Variants in WASHC5 observed in about 807,000 individuals in gnomAD.
WASHC5 encodes WASH complex subunit strumpellin.
A neutral mutation model predicts 150.4 loss-of-function variants in WASHC5; 101 were observed. The ratio of observed to expected loss-of-function variants is 0.67; its 90% CI spans 0.57 to 0.79. The LOEUF (loss-of-function observed/expected upper bound fraction) is 0.79, where lower values mean the gene tolerates loss of function less well. WASHC5 is among the 30% of genes least tolerant of loss of function. The pLI is 0.00. For synonymous variants in WASHC5, 467 were observed against 491.2 expected (o/e 0.95, Z 0.65); for missense variants, 1,195 against 1,396.3 (o/e 0.86, Z 2.30).
intron 28 of WASHC5, among the ~76,000 whole-genome samples, chr8:125,024,946 C>T (rs1815334066): frequency 6.6e-6 from 1 of 151,950 alleles, no homozygotes. Flanking sequence ...CCTTGATCTG[C>T]GAGGAATGTT....
At chr8:125,044,727 G>A in intron 20 of WASHC5, 29 bp from the exon 21 acceptor site, 1 of 1,608,682 alleles carries the variant, frequency 6.2e-7, no homozygotes, top group Non-Finnish European at 8.5e-7. Flanking sequence ...AAAAACCCCA[G>A]AATGGCTCAG....
At chr8:125,040,361 G>A (rs1815850006) in intron 23 of WASHC5, among the ~76,000 whole-genome samples, 1 of 152,138 alleles carries the variant, frequency 6.6e-6, no homozygotes, top group African/African-American at 2.4e-5. Flanking sequence ...TATTAAGTCT[G>A]TCCATGCCAC....
In WASHC5 at chr8:125,057,655, G is replaced by A; in HGVS notation, c.1776C>T (p.Ala592=). Reference sequence around the variant, plus strand: ...TAATACGAAGAAGGGGCAGATCGAGGGCAGAGGCAAGCTGGAAGAAAAATA... The same window carrying A: ...TAATACGAAGAAGGGGCAGATCGAGAGCAGAGGCAAGCTGGAAGAAAAATA... ...LRATFLKLAS[A]LDLPLLRINQ... The change falls in exon 15 of 29, where the codon GCC becomes GCT. Residue 592 remains alanine (A), a synonymous_variant. Transcript: ENST00000318410. 1 of 1,610,378 alleles carries A rather than the reference G, an allele frequency of 6.2e-7. No homozygotes were observed. Among genetic ancestry groups the A allele is most frequent in the African/African-American group, 1.3e-5 (1 of 74,952 alleles).
chr8:125,051,954 T>C (rs1221998397), intron 17 of WASHC5, among the ~76,000 whole-genome samples: 1 of 152,150 alleles, frequency 6.6e-6, no homozygotes, highest in African/African-American at 2.4e-5. Context: ...TGGAAATTAA[T>C]GACATATAGT....
At chr8:125,057,469 A>G in intron 15 of WASHC5, 87 bp downstream of exon 15, 1 of 875,130 alleles carries the variant, frequency 1.1e-6, no homozygotes, top group Non-Finnish European at 1.9e-6. Context: ...AGACACGGAT[A>G]TACTTTTGGG....
intron 22 of WASHC5, 21 bp downstream of exon 22, chr8:125,043,971 A>T: frequency 7.6e-7 from 1 of 1,307,638 alleles, no homozygotes; most frequent in Non-Finnish European, 1.0e-6. Flanking sequence ...TCCCCGCCTC[A>T]GGTAGTTTCA....
At chr8:125,086,698 T>C (rs575460675) in intron 1 of WASHC5, among the ~76,000 whole-genome samples, 4 of 152,290 alleles carry the variant, frequency 2.6e-5, no homozygotes, top group Non-Finnish European at 5.9e-5. Context: ...CTCTACCAAT[T>C]CCAGGCCTAA....
At chr8:125,044,877 G>C in intron 20 of WASHC5, 179 bp from the exon 21 acceptor site, 1 of 688,040 alleles carries the variant, frequency 1.5e-6, no homozygotes, top group Non-Finnish European at 2.6e-6. Context: ...AATGGAACAG[G>C]AAGGTAAAAT....
intron 27 of WASHC5, among the ~76,000 whole-genome samples, chr8:125,029,505 G>A (rs970251143): frequency 2.0e-5 from 3 of 152,166 alleles, no homozygotes; most frequent in African/African-American, 7.2e-5. Flanking sequence ...TAAACTCCTC[G>A]AGGGCCTAGG....
intron 10 of WASHC5, among the ~76,000 whole-genome samples, chr8:125,066,652 C>T (rs1174193851): frequency 6.6e-6 from 1 of 152,184 alleles, no homozygotes; most frequent in Non-Finnish European, 1.5e-5. Context: ...AGGATAAAGA[C>T]CAAAGTCCTG....
At position 125,057,644 on chromosome 8, in the gene WASHC5, G is replaced by A; in HGVS notation, c.1787C>T (p.Pro596Leu). Residue 596 changes from proline to leucine, a missense_variant, in exon 15 of 29, where the codon CCC (proline) becomes CTC (leucine). Pro to Leu is a moderately conservative substitution (Grantham distance 98, BLOSUM62 -3). Around this residue, in one of 3 missense-constraint regions of WASHC5, gnomAD observed 997 missense variants for 1,168.1 expected, o/e 0.85. Coordinates refer to ENST00000318410, the MANE Select transcript of WASHC5 (RefSeq NM_014846.4). ...ATTTGCCTGATTAATACGAAGAAGG[G>A]GCAGATCGAGGGCAGAGGCAAGCTG... ...FLKLASALDLPLLRINQANSP... is the reference protein window; with the variant it reads ...FLKLASALDLLLLRINQANSP... 6.2e-7 allele frequency: 1 copy of A among 1,613,236 alleles called. No homozygotes were observed. Among genetic ancestry groups the A allele is most frequent in the Non-Finnish European group, 8.5e-7 (1 of 1,179,328 alleles).
At chr8:125,064,187 T>C (rs1039853424) in intron 10 of WASHC5, among the ~76,000 whole-genome samples, 1 of 151,878 alleles carries the variant, frequency 6.6e-6, no homozygotes, top group Non-Finnish European at 1.5e-5. Flanking sequence ...TACAAGTAAT[T>C]GTGTTTATTG....
chr8:125,042,159 T>A (rs1326988337), intron 23 of WASHC5, among the ~76,000 whole-genome samples: 5 of 152,356 alleles, frequency 3.3e-5, no homozygotes, highest in Non-Finnish European at 7.3e-5. Flanking sequence ...CTGGGATGGA[T>A]GAGAAACTTA....
chr8:125,044,421 G>C, intron 21 of WASHC5, 115 bp downstream of exon 21: 1 of 1,154,670 alleles, frequency 8.7e-7, no homozygotes, highest in Non-Finnish European at 1.3e-6. Context: ...TATGCCTAAA[G>C]TCAGTGTAAG....
intron 19 of WASHC5, among the ~76,000 whole-genome samples, chr8:125,048,572 C>T (rs1344538257): frequency 6.6e-6 from 1 of 152,116 alleles, no homozygotes; most frequent in Non-Finnish European, 1.5e-5. Flanking sequence ...GAAACTGGAA[C>T]CCTCGTACAC....
chr8:125,063,829 A>T (rs927230071), intron 10 of WASHC5, among the ~76,000 whole-genome samples, 178 bp from the exon 11 acceptor site: 2 of 152,326 alleles, frequency 1.3e-5, no homozygotes, highest in African/African-American at 4.8e-5. Context: ...TCAGGGACAA[A>T]GCCAGACCAC....
chr8:125,024,787 T>G, intron 28 of WASHC5, 114 bp from the exon 29 acceptor site: 1 of 739,402 alleles, frequency 1.4e-6, no homozygotes, highest in Non-Finnish European at 2.4e-6. Context: ...AAGAGGAGAC[T>G]CCCATGGGCG....
At chr8:125,090,676 T>G (rs770870719) in intron 1 of WASHC5, among the ~76,000 whole-genome samples, 8 of 152,214 alleles carry the variant, frequency 5.3e-5, no homozygotes, top group Non-Finnish European at 5.9e-5. Context: ...CCAATTACCC[T>G]GAGTACAGAA....
chr8:125,076,366 T>C lies in WASHC5; in HGVS notation c.846A>G (p.Lys282=). 1 of 1,613,960 alleles carries C rather than the reference T, an allele frequency of 6.2e-7. No homozygotes were observed. The highest frequency in any genetic ancestry group is 8.5e-7 in the Non-Finnish European group (1 of 1,179,922). Reference sequence around the variant, plus strand: ...TACTTGCCCAATTATCTGGAAAGTATTTATCCACTATCTCTCTCATTTTTG... The same window carrying C: ...TACTTGCCCAATTATCTGGAAAGTACTTATCCACTATCTCTCTCATTTTTG... ...HQAKMREIVD[K]YFPDNWVISI... Residue 282 remains lysine, a synonymous_variant, in exon 7 of 29, where the codon AAA becomes AAG. Transcript: ENST00000318410.
Sources: gnomAD v4.1 joint callset for allele counts (sites outside exome capture counted in the v4.1 genomes callset) on GRCh38, gnomAD v4.1.1 for gene constraint, gnomAD v4.1.1 regional missense constraint, MANE v1.5 for transcripts, NCBI Gene and HGNC (gene_info 2026-07-23, HGNC 2026-07-21) for gene names.